Variants in CSMD1 observed in about 807,000 individuals in gnomAD.
CSMD1 encodes CUB and sushi domain-containing protein 1.
CSMD1 carries 213 observed loss-of-function variants against 417.5 expected under a neutral mutation model. The observed-to-expected ratio is 0.51, with a 90% CI of 0.46 to 0.57. The LOEUF is 0.57. Ranked by LOEUF, CSMD1 falls within the 20% of genes least tolerant of loss-of-function variation. CSMD1 has a pLI of 0.00. For missense variants in CSMD1, 6,923 were observed against 4,529.7 expected (o/e 1.53, Z -15.17); for synonymous variants, 2,862 against 1,736.8 (o/e 1.65, Z -16.11).
At chr8:4,063,481 G>C (rs908123855) in intron 3 of CSMD1, among the ~76,000 whole-genome samples, 1 of 152,082 alleles carries the variant, frequency 6.6e-6, no homozygotes, top group South Asian at 2.1e-4. Context: ...TCTTATATGC[G>C]TCTATTAAAT....
intron 27 of CSMD1, among the ~76,000 whole-genome samples, chr8:3,227,839 C>G (rs923951955): frequency 1.3e-5 from 2 of 151,300 alleles, no homozygotes; most frequent in Non-Finnish European, 2.9e-5. Context: ...GCGATCTTGG[C>G]TCACTGCAAC....
chr8:3,095,920 G>T (rs904477867), intron 47 of CSMD1, among the ~76,000 whole-genome samples: 2 of 152,168 alleles, frequency 1.3e-5, no homozygotes, highest in Non-Finnish European at 2.9e-5. Flanking sequence ...AGTATTGCAC[G>T]TGTTCAGTTA....
chr8:3,909,603 C>T (rs1808326027), intron 5 of CSMD1, among the ~76,000 whole-genome samples: 1 of 151,980 alleles, frequency 6.6e-6, no homozygotes, highest in South Asian at 2.1e-4. Flanking sequence ...TCTAATAAGG[C>T]CCTCTGTTAG....
At chr8:4,142,913 T>G (rs1298245098) in intron 3 of CSMD1, among the ~76,000 whole-genome samples, 3 of 151,054 alleles carry the variant, frequency 2.0e-5, no homozygotes, top group Admixed American at 1.3e-4. Context: ...GAAATTATTT[T>G]TAGGTCATAT....
intron 10 of CSMD1, among the ~76,000 whole-genome samples, chr8:3,504,418 A>G (rs1223253180): frequency 2.0e-5 from 3 of 152,192 alleles, no homozygotes; most frequent in Non-Finnish European, 4.4e-5. Context: ...CTGGGATTCA[A>G]GAATGCAGTG....
At chr8:4,190,355 G>A (rs2131211930) in intron 3 of CSMD1, among the ~76,000 whole-genome samples, 1 of 150,918 alleles carries the variant, frequency 6.6e-6, no homozygotes, top group African/African-American at 2.4e-5. Context: ...ACTTCTAACA[G>A]CCTCAGTTTC....
At chr8:4,414,778 A>T (rs940771678) in intron 3 of CSMD1, among the ~76,000 whole-genome samples, 1 of 152,192 alleles carries the variant, frequency 6.6e-6, no homozygotes, top group African/African-American at 2.4e-5. Flanking sequence ...TTGAGTATGT[A>T]TCATGTGCCA....
chr8:3,690,235 T>C (rs774638677), intron 7 of CSMD1, among the ~76,000 whole-genome samples: 1 of 152,142 alleles, frequency 6.6e-6, no homozygotes, highest in Non-Finnish European at 1.5e-5. Flanking sequence ...GGTGTGCACC[T>C]GTAATCCCAG....
intron 29 of CSMD1, among the ~76,000 whole-genome samples, chr8:3,216,416 A>C (rs1431913443): frequency 2.0e-5 from 3 of 152,302 alleles, no homozygotes; most frequent in Non-Finnish European, 4.4e-5. Context: ...GAAAATAAAA[A>C]ATTTCCCAGT....
intron 2 of CSMD1, among the ~76,000 whole-genome samples, chr8:4,528,638 T>C (rs561828179): frequency 5.3e-5 from 8 of 152,332 alleles, no homozygotes; most frequent in Admixed American, 3.3e-4. Context: ...TATAGGTTTA[T>C]GGCATAGATT....
intron 3 of CSMD1, among the ~76,000 whole-genome samples, chr8:4,311,877 G>C (rs1281047510): frequency 6.6e-6 from 1 of 151,920 alleles, no homozygotes; most frequent in Non-Finnish European, 1.5e-5. Context: ...ATAATACCTG[G>C]GTGATCAAAT....
At position 4,053,100 on chromosome 8, in the gene CSMD1, G is replaced by A. The variant is rs114255975; in HGVS notation, c.416-21001C>T. On this transcript the variant is annotated intron_variant, in intron 3 of 69. Transcript: ENST00000635120. ...AGGATGATTGGAATAAGAAGGGGCT[G>A]ATACGAGGACCCCTTGCCCAGGAAG... Among the ~76,000 whole-genome samples, 440 of 152,236 alleles carry A rather than the reference G, an allele frequency of 2.9e-3. 2 individuals carry two copies. Among genetic ancestry groups the A allele is most frequent in the African/African-American group, 0.01 (420 of 41,552 alleles).
intron 25 of CSMD1, among the ~76,000 whole-genome samples, chr8:3,303,580 G>C (rs1015952030): frequency 6.6e-6 from 1 of 152,308 alleles, no homozygotes; most frequent in Non-Finnish European, 1.5e-5. Context: ...ATTAGGAACA[G>C]AAGTACATTC....
At chr8:4,665,820 T>G (rs1179407456) in intron 1 of CSMD1, among the ~76,000 whole-genome samples, 1 of 152,234 alleles carries the variant, frequency 6.6e-6, no homozygotes, top group Non-Finnish European at 1.5e-5. Flanking sequence ...TGTAAATATT[T>G]ATGTAAAAGT....
chr8:3,255,730 G>A (rs937512362), intron 26 of CSMD1, among the ~76,000 whole-genome samples: 4 of 152,186 alleles, frequency 2.6e-5, no homozygotes, highest in African/African-American at 9.6e-5. Context: ...TGCAGTATTA[G>A]GGTGGGAGTG....
chr8:3,792,602 T>C (rs1055874832), intron 5 of CSMD1, among the ~76,000 whole-genome samples: 1 of 152,146 alleles, frequency 6.6e-6, no homozygotes, highest in Non-Finnish European at 1.5e-5. Context: ...TTCCTCTTCC[T>C]TTCACCCTCA....
At chr8:4,784,062 T>G (rs1385979219) in intron 1 of CSMD1, among the ~76,000 whole-genome samples, 1 of 152,196 alleles carries the variant, frequency 6.6e-6, no homozygotes, top group African/African-American at 2.4e-5. Flanking sequence ...TTAACATATT[T>G]TTGAGGGATT....
At chr8:4,618,631 T>C (rs144969340) in intron 2 of CSMD1, among the ~76,000 whole-genome samples, 12 of 152,228 alleles carry the variant, frequency 7.9e-5, no homozygotes, top group Non-Finnish European at 1.5e-4. Flanking sequence ...CTGAAATGAA[T>C]GCCTTGGGAA....
chr8:3,690,085 G>A (rs113130381), intron 7 of CSMD1, among the ~76,000 whole-genome samples: 147 of 152,298 alleles, frequency 9.7e-4, no homozygotes, highest in Non-Finnish European at 1.8e-3. Context: ...TAGGCTGCGC[G>A]TAGTGGCCAA....
Sources: gnomAD v4.1 joint callset for allele counts (sites outside exome capture counted in the v4.1 genomes callset) on GRCh38, gnomAD v4.1.1 for gene constraint, MANE v1.5 for transcripts, NCBI Gene and HGNC (gene_info 2026-07-23, HGNC 2026-07-21) for gene names.